The following PRIM2 variants were observed in gnomAD, a reference collection of about 807,000 sequenced individuals.
PRIM2 encodes DNA primase large subunit.
PRIM2 carries 39 observed loss-of-function variants against 67.3 expected under a neutral mutation model. That is an observed-to-expected ratio of 0.58 (90% CI 0.45 to 0.76). The LOEUF is 0.76. Ranked by LOEUF, PRIM2 falls within the 30% of genes least tolerant of loss-of-function variation. The pLI is 0.00. For synonymous variants in PRIM2, 143 were observed against 198.7 expected, an observed-to-expected ratio of 0.72 and a Z score of 2.36; for missense variants, 398 against 598.7, an observed-to-expected ratio of 0.66 and a Z score of 3.50.
chr6:57,332,413 C>T (rs113057363), intron 5 of PRIM2, among the ~76,000 whole-genome samples: 12 of 152,026 alleles, frequency 7.9e-5, no homozygotes, highest in African/African-American at 1.9e-4. Context: ...TTCAAAGCTT[C>T]GGTTTCCTTG....
At chr6:57,591,653 T>G (rs1776283493) in intron 10 of PRIM2, among the ~76,000 whole-genome samples, 1 of 152,120 alleles carries the variant, frequency 6.6e-6, no homozygotes. Flanking sequence ...TGGCTGTTAT[T>G]AAAAAGCAAA....
intron 12 of PRIM2, among the ~76,000 whole-genome samples, chr6:57,630,283 A>G (rs1281809992): frequency 2.6e-5 from 4 of 152,148 alleles, no homozygotes; most frequent in Non-Finnish European, 5.9e-5. Flanking sequence ...AATTCATCCT[A>G]ATAAAATAAA....
At chr6:57,484,085 G>A (rs1300485918) in intron 7 of PRIM2, among the ~76,000 whole-genome samples, 3 of 152,022 alleles carry the variant, frequency 2.0e-5, no homozygotes, top group African/African-American at 7.2e-5. Context: ...ATGCTATTTC[G>A]TGTACTTATT....
intron 3 of PRIM2, 127 bp downstream of exon 3, chr6:57,320,687 G>T (rs1195539237): frequency 5.1e-6 from 3 of 591,694 alleles, no homozygotes; most frequent in East Asian, 2.9e-5. Context: ...TAGCCTGAAG[G>T]TTCTTCAGTG....
At chr6:57,435,607 T>G (rs1473447828) in intron 7 of PRIM2, among the ~76,000 whole-genome samples, 1 of 152,240 alleles carries the variant, frequency 6.6e-6, no homozygotes, top group Non-Finnish European at 1.5e-5. Context: ...AAGAATTTAT[T>G]GAGCCTCAGT....
rs34491627 is a variant in PRIM2, at chr6:57,418,383, GTTTTTTTTTTT to G, written c.693+36239_693+36249del. On this transcript the variant is annotated intron_variant, in intron 7 of 13. Coordinates refer to ENST00000615550, the MANE Select transcript of PRIM2 (RefSeq NM_000947.5). Reference sequence around the variant, plus strand: ...TAAGGTAATGTTTCCTATGTGTGTGGTTTTTTTTTTTTTTTTTTTTTTTTTTTTTTTTTTAA... The same window carrying G: ...TAAGGTAATGTTTCCTATGTGTGTGGTTTTTTTTTTTTTTTTTTTTTTTAA... 8.5e-3 allele frequency among the ~76,000 whole-genome samples: 403 copies of G among 47,260 alleles called. 8 individuals are homozygous for G. Among genetic ancestry groups the G allele is most frequent in the Middle Eastern group, 0.029 (1 of 34 alleles). The allele number at this position is 47,260 out of a possible 152,430, so 31.0% of individuals were successfully genotyped here. A position where few individuals can be genotyped will look rare whatever the true frequency, so the allele number is the denominator to read the frequency against.
At chr6:57,640,612 T>C (rs1324607415) in intron 13 of PRIM2, among the ~76,000 whole-genome samples, 2 of 152,090 alleles carry the variant, frequency 1.3e-5, no homozygotes, top group African/African-American at 4.8e-5. Context: ...AAATCATGAG[T>C]GAACTTCCAT....
intron 13 of PRIM2, among the ~76,000 whole-genome samples, chr6:57,640,674 A>T (rs1777214820): frequency 6.6e-6 from 1 of 152,186 alleles, no homozygotes; most frequent in East Asian, 1.9e-4. Flanking sequence ...CTTCCAAGGG[A>T]TGTGAAGGAC....
chr6:57,347,072 T>TA (rs2127298143), intron 5 of PRIM2, among the ~76,000 whole-genome samples: 1 of 152,330 alleles, frequency 6.6e-6, no homozygotes, highest in Non-Finnish European at 1.5e-5. Context: ...CGGCTATTGA[T>TA]ACCTGCCTCC....
At chr6:57,490,860 C>G (rs1303651831) in intron 7 of PRIM2, among the ~76,000 whole-genome samples, 41 of 152,286 alleles carry the variant, frequency 2.7e-4, no homozygotes, top group Admixed American at 5.2e-4. Flanking sequence ...CCTCGGCCTG[C>G]CAGAGTGTTG....
chr6:57,269,748 G>A, the PRIM2 span, among the ~76,000 whole-genome samples: 1 of 152,126 alleles, frequency 6.6e-6, no homozygotes, highest in Admixed American at 6.5e-5. Context: ...TTCTTCTAGG[G>A]TTTTTACGGT....
chr6:57,400,395 A>C (rs2127354866), intron 7 of PRIM2, among the ~76,000 whole-genome samples: 1 of 152,216 alleles, frequency 6.6e-6, no homozygotes, highest in South Asian at 2.1e-4. Flanking sequence ...TCTTGATTGA[A>C]GGTTTCTTTA....
At chr6:57,634,128 A>T (rs1777079667) in intron 13 of PRIM2, among the ~76,000 whole-genome samples, 1 of 152,226 alleles carries the variant, frequency 6.6e-6, no homozygotes, top group Non-Finnish European at 1.5e-5. Flanking sequence ...ACTCATCTAA[A>T]GCTTGTGAGC....
At chr6:57,385,000 T>G (rs918655347) in intron 7 of PRIM2, among the ~76,000 whole-genome samples, 3 of 152,202 alleles carry the variant, frequency 2.0e-5, no homozygotes, top group Non-Finnish European at 4.4e-5. Context: ...GTAAAAAAAA[T>G]TTTACATTTG....
intron 10 of PRIM2, among the ~76,000 whole-genome samples, chr6:57,582,166 G>A (rs1776097398): frequency 6.6e-6 from 1 of 152,140 alleles, no homozygotes; most frequent in Non-Finnish European, 1.5e-5. Flanking sequence ...TGGAACTTAG[G>A]GTTAGACCCT....
chr6:57,609,521 T>C (rs1199664490), intron 12 of PRIM2, among the ~76,000 whole-genome samples: 44 of 152,322 alleles, frequency 2.9e-4, no homozygotes, highest in Non-Finnish European at 5.1e-4. Context: ...TTTAAAAAAA[T>C]AATCTTAATA....
chr6:57,507,038 A>G (rs1554347267), intron 7 of PRIM2, among the ~76,000 whole-genome samples: 1 of 152,126 alleles, frequency 6.6e-6, no homozygotes, highest in Non-Finnish European at 1.5e-5. Flanking sequence ...TTATTATACA[A>G]TTTTACATTT....
At chr6:57,430,997 T>C (rs1343990332) in intron 7 of PRIM2, among the ~76,000 whole-genome samples, 1 of 152,206 alleles carries the variant, frequency 6.6e-6, no homozygotes, top group East Asian at 1.9e-4. Context: ...TATCCTTTCA[T>C]ATCAGATTGC....
the PRIM2 span, among the ~76,000 whole-genome samples, chr6:57,272,851 G>T: frequency 3.9e-5 from 6 of 152,154 alleles, no homozygotes; most frequent in African/African-American, 1.2e-4. Flanking sequence ...GCATTTGCTT[G>T]TCTGTGAAGT....
Sources: gnomAD v4.1 joint callset for allele counts (sites outside exome capture counted in the v4.1 genomes callset) on GRCh38, gnomAD v4.1.1 for gene constraint, MANE v1.5 for transcripts, NCBI Gene and HGNC (gene_info 2026-07-23, HGNC 2026-07-21) for gene names.